CAMK2D: variants seen among roughly 807,000 people sequenced by gnomAD.
CAMK2D encodes calcium/calmodulin-dependent protein kinase type II subunit delta.
In CAMK2D, 37 loss-of-function variants were observed where a neutral mutation model predicts 84.0. The observed-to-expected ratio is 0.44, with a 90% CI of 0.34 to 0.58. The LOEUF (loss-of-function observed/expected upper bound fraction) is 0.58. Ranked by LOEUF, CAMK2D falls within the 20% of genes least tolerant of loss-of-function variation. The probability of loss-of-function intolerance (pLI) is 0.02; values close to 1 mark genes in which losing one functional copy is unlikely to be tolerated. For missense variants in CAMK2D, 448 were observed against 652.5 expected, an observed-to-expected ratio of 0.69 and a Z score of 3.41; for synonymous variants, 202 against 212.5, an observed-to-expected ratio of 0.95 and a Z score of 0.43.
At chr4:113,725,816 A>C (rs2148691630) in intron 2 of CAMK2D, among the ~76,000 whole-genome samples, 2 of 152,346 alleles carry the variant, frequency 1.3e-5, no homozygotes, top group Middle Eastern at 3.4e-3. Context: ...AATAGTCTTT[A>C]TGTTAAATGG....
intron 6 of CAMK2D, among the ~76,000 whole-genome samples, chr4:113,545,634 C>A (rs1431689354): frequency 1.3e-5 from 2 of 152,092 alleles, no homozygotes. Flanking sequence ...CTCTAATGCA[C>A]GTGTTTTGAA....
chr4:113,708,889 T>C (rs2154353145), intron 2 of CAMK2D, among the ~76,000 whole-genome samples: 1 of 152,190 alleles, frequency 6.6e-6, no homozygotes, highest in South Asian at 2.1e-4. Context: ...GTCTGGCTAG[T>C]TTTTGTATTT....
chr4:113,732,018 T>C (rs181419809), intron 2 of CAMK2D, among the ~76,000 whole-genome samples: 124 of 152,254 alleles, frequency 8.1e-4, no homozygotes, highest in African/African-American at 2.7e-3. Context: ...TTCTGGGTGA[T>C]GTGAGGTGGG....
intron 15 of CAMK2D, among the ~76,000 whole-genome samples, chr4:113,501,432 A>G (rs2098044174): frequency 6.6e-6 from 1 of 152,132 alleles, no homozygotes; most frequent in African/African-American, 2.4e-5. Context: ...AGCCAAAAAT[A>G]ACTGGAAACA....
intron 3 of CAMK2D, among the ~76,000 whole-genome samples, chr4:113,649,637 A>G (rs904154393): frequency 2.6e-5 from 4 of 152,250 alleles, no homozygotes; most frequent in African/African-American, 9.6e-5. Flanking sequence ...TAATCACACT[A>G]TATTTCAGTT....
intron 4 of CAMK2D, among the ~76,000 whole-genome samples, 163 bp from the exon 5 acceptor site, chr4:113,552,259 A>G (rs1389402128): frequency 6.6e-6 from 1 of 152,220 alleles, no homozygotes; most frequent in Non-Finnish European, 1.5e-5. Context: ...TCTATACTAC[A>G]CTAAACATTT....
At chr4:113,533,247 G>C (rs962820994) in intron 7 of CAMK2D, among the ~76,000 whole-genome samples, 8 of 152,106 alleles carry the variant, frequency 5.3e-5, no homozygotes, top group Non-Finnish European at 1.0e-4. Context: ...CATTTGAGCA[G>C]TCAATGGGGT....
intron 2 of CAMK2D, among the ~76,000 whole-genome samples, chr4:113,686,677 G>A (rs186641436): frequency 6.6e-6 from 1 of 152,112 alleles, no homozygotes; most frequent in Non-Finnish European, 1.5e-5. Context: ...CCAAGCATCT[G>A]GAGTCCTACA....
intron 2 of CAMK2D, among the ~76,000 whole-genome samples, chr4:113,692,598 A>C (rs1001055955): frequency 1.3e-5 from 2 of 152,024 alleles, no homozygotes; most frequent in African/African-American, 4.8e-5. Context: ...ATATTCATAT[A>C]TTCATACATA....
chr4:113,483,705 C>A (rs887722523), intron 16 of CAMK2D, among the ~76,000 whole-genome samples: 1 of 151,930 alleles, frequency 6.6e-6, no homozygotes, highest in Non-Finnish European at 1.5e-5. Context: ...CGTGCCTGGC[C>A]GTATTTATTT....
chr4:113,666,753 G>A (rs2099258970), intron 2 of CAMK2D, among the ~76,000 whole-genome samples: 2 of 152,142 alleles, frequency 1.3e-5, no homozygotes, highest in East Asian at 3.8e-4. Flanking sequence ...AAATTACAGA[G>A]GAGTTGCCCA....
At position 113,643,308 on chromosome 4, in the gene CAMK2D, C is replaced by T. The variant is rs145917174; in HGVS notation, c.220+18405G>A. On this transcript the variant is annotated intron_variant, in intron 3 of 20. Transcript: ENST00000511664. ...AAAAAAAGTCCAACAAGGGCAGAAG[C>T]ACTAGTGTAGAGAGTTGGGAGGATA... Among the ~76,000 whole-genome samples the T allele has an allele frequency of 3.9e-4, 59 of 152,242 alleles. 2 individuals carry two copies. Among genetic ancestry groups the T allele is most frequent in the African/African-American group, 2.4e-4 (10 of 41,544 alleles).
intron 2 of CAMK2D, among the ~76,000 whole-genome samples, chr4:113,686,861 T>TAC (rs36009295): frequency 0.047 from 6,968 of 148,680 alleles, 251 homozygotes; most frequent in African/African-American, 0.11. Flanking sequence ...GGTATGTGTA[T>TAC]ACACACACAC....
chr4:113,690,719 A>G (rs6817557), intron 2 of CAMK2D, among the ~76,000 whole-genome samples: 62,646 of 152,020 alleles, frequency 0.41, 13,578 homozygotes, highest in Non-Finnish European at 0.47. Context: ...TTTCCAGATC[A>G]GTCCTGGGCA....
chr4:113,621,618 C>T (rs1488555894), intron 3 of CAMK2D, among the ~76,000 whole-genome samples: 2 of 152,118 alleles, frequency 1.3e-5, no homozygotes, highest in Non-Finnish European at 2.9e-5. Context: ...AGACAGAGCA[C>T]AGTATTATAA....
chr4:113,462,282 GTGTGTGTGTGTGTCTGTCTGTC>G (rs1168628233), intron 17 of CAMK2D, among the ~76,000 whole-genome samples: 16 of 81,360 alleles, frequency 2.0e-4, no homozygotes, highest in African/African-American at 5.5e-4. Flanking sequence ...GTGTGTGTGT[GTGTGTGTGTGTGTCTGTCTGTC>G]TGTCTGTCTG....
chr4:113,608,760 GT>G (rs1266929790), intron 4 of CAMK2D, among the ~76,000 whole-genome samples: 1 of 152,022 alleles, frequency 6.6e-6, no homozygotes, highest in Non-Finnish European at 1.5e-5. Context: ...ATCAATTTTG[GT>G]AATCCAAGTT....
intron 2 of CAMK2D, among the ~76,000 whole-genome samples, chr4:113,702,211 T>C (rs1021608745): frequency 1.3e-5 from 2 of 152,208 alleles, no homozygotes; most frequent in Admixed American, 6.5e-5. Context: ...TGTAAGATGC[T>C]AGAGGCTAAG....
intron 2 of CAMK2D, among the ~76,000 whole-genome samples, chr4:113,695,165 T>C (rs1476095227): frequency 6.6e-6 from 1 of 152,138 alleles, no homozygotes; most frequent in Non-Finnish European, 1.5e-5. Flanking sequence ...GGATGATAAC[T>C]GTCAATACTA....
Sources: allele counts gnomAD v4.1 joint callset (sites outside exome capture counted in the v4.1 genomes callset), GRCh38; gene constraint gnomAD v4.1.1; transcripts MANE v1.5; gene names NCBI Gene and HGNC (gene_info 2026-07-23, HGNC 2026-07-21).